Variants in BLZF1 observed in about 807,000 individuals in gnomAD.
BLZF1 encodes the protein golgin-45.
Under a neutral mutation model 43.8 loss-of-function variants are expected in BLZF1, and 39 were observed. The observed-to-expected ratio is 0.89, with a 90% CI of 0.69 to 1.16. The LOEUF (loss-of-function observed/expected upper bound fraction) is 1.16. Ranked by LOEUF, BLZF1 falls within the 50% of genes most tolerant of loss-of-function variation. The pLI, the probability that BLZF1 is intolerant of heterozygous loss-of-function variation, is 0.00. For missense variants in BLZF1, 449 were observed against 469.8 expected, an observed-to-expected ratio of 0.96 and a Z score of 0.41; for synonymous variants, 136 against 159.4, an observed-to-expected ratio of 0.85 and a Z score of 1.11.
At chr1:169,385,994 C>T (rs1049668518) in intron 6 of BLZF1, among the ~76,000 whole-genome samples, 2 of 152,304 alleles carry the variant, frequency 1.3e-5, no homozygotes, top group East Asian at 1.9e-4. Context: ...CCAAACACAT[C>T]ATGTGGTGAT....
At position 169,376,962 on chromosome 1, in the gene BLZF1, C is replaced by G; in HGVS notation, c.451C>G (p.Leu151Val). The change falls in exon 3 of 7, where the codon CTC becomes GTC. Residue 151 changes from leucine (L) to valine (V), a missense_variant. By Grantham distance (32) the Leu-to-Val change is conservative. Transcript: ENST00000367808. ...GGACAAAGAAGGTCTTTCAAACCAG[C>G]TCCGTGTACAGACAGAGGTAAGAAG... ...LQDKEGLSNQ[L>V]RVQTEVNREL... 1 of 1,612,788 alleles carries G rather than the reference C, an allele frequency of 6.2e-7. No homozygotes were observed. Among genetic ancestry groups the G allele is most frequent in the South Asian group, 1.1e-5 (1 of 91,010 alleles).
intron 7 of BLZF1, among the ~76,000 whole-genome samples, chr1:169,393,358 C>T (rs915533437): frequency 5.3e-5 from 8 of 151,828 alleles, no homozygotes; most frequent in Non-Finnish European, 1.0e-4. Flanking sequence ...GAGGCTGAGG[C>T]AGGTGGATCA....
chr1:169,377,238 AG>A, intron 3 of BLZF1: 1 of 442,692 alleles, frequency 2.3e-6, no homozygotes, highest in Non-Finnish European at 4.0e-6. Flanking sequence ...TTGTAAAAGT[AG>A]GTTACAATTA....
downstream of BLZF1, among the ~76,000 whole-genome samples, chr1:169,393,296 G>T (rs912066057): frequency 6.6e-6 from 1 of 151,834 alleles, no homozygotes; most frequent in Non-Finnish European, 1.5e-5. Context: ...AAGTAAAAAC[G>T]AATCAAACTG....
At chr1:169,370,191 T>A (rs957116552) in intron 2 of BLZF1, among the ~76,000 whole-genome samples, 2 of 152,210 alleles carry the variant, frequency 1.3e-5, no homozygotes, top group African/African-American at 4.8e-5. Flanking sequence ...TTTACCCTTT[T>A]TATAAAGACA....
rs1654720902 is a variant in BLZF1, at chr1:169,388,028, GA to G, written c.*852del. On this transcript the variant is annotated 3_prime_UTR_variant, in exon 7 of 7. Transcript: ENST00000367808. ...TTTTCCAAAAGTGTATAAGCTCAAAGAAAAAATGCAACCTGTCAATTAATAT... is the reference window on the plus strand; with the variant it reads ...TTTTCCAAAAGTGTATAAGCTCAAAGAAAAATGCAACCTGTCAATTAATAT... 2 of 151,940 alleles carry G rather than the reference GA, an allele frequency of 1.3e-5. No homozygotes were observed. The highest frequency in any genetic ancestry group is 4.1e-4 in the South Asian group (2 of 4,828). 9.4% of individuals were successfully genotyped at this position (151,940 alleles called of 1,614,324 possible).
chr1:169,390,300 A>G (rs1349409781), downstream of BLZF1, among the ~76,000 whole-genome samples: 1 of 152,100 alleles, frequency 6.6e-6, no homozygotes, highest in Non-Finnish European at 1.5e-5. Context: ...ATAAAAAAAG[A>G]ACTAAACCCA....
At chr1:169,386,208 A>C (rs1654662364) in intron 6 of BLZF1, among the ~76,000 whole-genome samples, 2 of 152,228 alleles carry the variant, frequency 1.3e-5, no homozygotes, top group South Asian at 2.1e-4. Context: ...TGTAATCATA[A>C]AATACTGCAT....
In BLZF1 at chr1:169,387,257, C is replaced by A; in HGVS notation, c.*75C>A. The A allele has an allele frequency of 2.3e-6, 3 of 1,333,320 alleles. No homozygotes were observed. Among genetic ancestry groups the A allele is most frequent in the Non-Finnish European group, 3.1e-6 (3 of 958,884 alleles). The allele number at this position is 1,333,320 out of a possible 1,614,324, so 82.6% of individuals were successfully genotyped here. On this transcript the variant is annotated 3_prime_UTR_variant, in exon 7 of 7. Transcript: ENST00000367808. ...TCATTATTATTTGGGAGCTGGGGTTCTTACAATGCTAGAAATAATATCACT... is the reference window on the plus strand; with the variant it reads ...TCATTATTATTTGGGAGCTGGGGTTATTACAATGCTAGAAATAATATCACT...
At chr1:169,390,816 TGAGAA>T (rs1280481868), downstream of BLZF1, among the ~76,000 whole-genome samples, 1 of 152,168 alleles carries the variant, frequency 6.6e-6, no homozygotes, top group African/African-American at 2.4e-5. Context: ...TTCAGTCAAC[TGAGAA>T]GAAAAAAACT....
At position 169,376,873 on chromosome 1, in the gene BLZF1, A is replaced by G. The variant is rs1446143561; in HGVS notation, c.362A>G (p.Lys121Arg). The G allele has an allele frequency of 1.2e-6, 2 of 1,613,196 alleles. No individual in the cohort carries two copies. The highest frequency in any genetic ancestry group is 1.3e-5 in the African/African-American group (1 of 74,888). ...GQSEGVIEPNKELSEVKNVLE... is the reference protein window; with the variant it reads ...GQSEGVIEPNRELSEVKNVLE... ...TCAGAGGGAGTTATAGAACCTAATA[A>G]GGAACTCTCAGAGGTAAAGAATGTA... The change falls in exon 3 of 7, where the codon AAG becomes AGG. Residue 121 changes from lysine to arginine, a missense_variant. Transcript: ENST00000367808.
chr1:169,395,629 C>T (rs1654977845), intron 7 of BLZF1, among the ~76,000 whole-genome samples: 1 of 152,150 alleles, frequency 6.6e-6, no homozygotes, highest in African/African-American at 2.4e-5. Flanking sequence ...CTGCCTTACT[C>T]TTCTTATAGG....
chr1:169,395,004 A>T lies in BLZF1; in HGVS notation c.*28-890A>T, dbSNP rs75044225. 1,702 of 1,527,336 alleles carry T rather than the reference A, an allele frequency of 1.1e-3. 30 individuals carry two copies. The Admixed American group carries it at 0.026, about 24-fold the overall frequency. The allele number at this position is 1,527,336 out of a possible 1,614,324, so 94.6% of individuals were successfully genotyped here. On this transcript the variant is annotated intron_variant, in intron 7 of 7. Coordinates refer to the BLZF1 transcript ENST00000329281. ...ACAGACCCTAAGAAATCATATCCAA[A>T]ATTTTGATAGCAGCTGCCCACTGAA... is the stretch of plus-strand genomic sequence containing the variant.
At chr1:169,378,229 T>C in intron 3 of BLZF1, 101 bp from the exon 4 acceptor site, 1 of 1,159,730 alleles carries the variant, frequency 8.6e-7, no homozygotes, top group Non-Finnish European at 1.2e-6. Context: ...GTCACGGAGG[T>C]CCAAAATTAC....
At position 169,387,626 on chromosome 1, in the gene BLZF1, A is replaced by G. The variant is rs1200516674; in HGVS notation, c.*444A>G. On this transcript the variant is annotated 3_prime_UTR_variant, in exon 7 of 7. Coordinates refer to ENST00000367808, the MANE Select transcript of BLZF1 (RefSeq NM_001320973.2). Reference sequence around the variant, plus strand: ...TTGTCTAAGCTGGTTTTGCACTACAACTGCAGAGTTGAATAGATGCAGCAG... The same window carrying G: ...TTGTCTAAGCTGGTTTTGCACTACAGCTGCAGAGTTGAATAGATGCAGCAG... 6.5e-6 allele frequency: 1 copy of G among 153,172 alleles called. No individual in the cohort carries two copies. Among genetic ancestry groups the G allele is most frequent in the Non-Finnish European group, 1.5e-5 (1 of 68,782 alleles). 9.5% of individuals were successfully genotyped at this position (153,172 alleles called of 1,614,324 possible).
chr1:169,388,889 G>A (rs996040063), downstream of BLZF1, among the ~76,000 whole-genome samples: 1 of 152,128 alleles, frequency 6.6e-6, no homozygotes, highest in African/African-American at 2.4e-5. Context: ...GGGAGGCCGA[G>A]GTGGGTGGGT....
intron 2 of BLZF1, among the ~76,000 whole-genome samples, chr1:169,370,263 A>G (rs958302931): frequency 2.0e-5 from 3 of 152,214 alleles, no homozygotes; most frequent in Non-Finnish European, 4.4e-5. Flanking sequence ...AACTAATTAC[A>G]TCTGCAGTGA....
intron 2 of BLZF1, among the ~76,000 whole-genome samples, chr1:169,373,126 C>A (rs1654180692): frequency 6.6e-6 from 1 of 151,902 alleles, no homozygotes; most frequent in Non-Finnish European, 1.5e-5. Context: ...AAAAAGTTTG[C>A]CAGCTCCCAT....
At chr1:169,391,897 A>G (rs12128650), downstream of BLZF1, among the ~76,000 whole-genome samples, 1 of 69,426 alleles carries the variant, frequency 1.4e-5, no homozygotes, top group African/African-American at 3.4e-5. Context: ...CTTCAGACCC[A>G]CAATAAAACT....
Sources: allele counts gnomAD v4.1 joint callset (sites outside exome capture counted in the v4.1 genomes callset), GRCh38; gene constraint gnomAD v4.1.1; transcripts MANE v1.5; gene names NCBI Gene and HGNC (gene_info 2026-07-23, HGNC 2026-07-21).